Variants in FAM107B observed in about 807,000 individuals in gnomAD.
FAM107B encodes the protein protein FAM107B.
In FAM107B, 21 loss-of-function variants were observed where a neutral mutation model predicts 31.5. That is an observed-to-expected ratio of 0.67 (90% CI 0.47 to 0.96). FAM107B has a LOEUF of 0.96. FAM107B is among the 40% of genes least tolerant of loss of function. FAM107B has a pLI of 0.00. For synonymous variants in FAM107B, 157 were observed against 141.5 expected (o/e 1.11, Z -0.78); for missense variants, 452 against 377.1 (o/e 1.20, Z -1.64).
chr10:14,641,398 GGCTAGTT>G (rs1853623881), intron 2 of FAM107B, among the ~76,000 whole-genome samples: 1 of 152,192 alleles, frequency 6.6e-6, no homozygotes, highest in Non-Finnish European at 1.5e-5. Flanking sequence ...AACCAAGTTA[GGCTAGTT>G]TCAGATGACT....
intron 2 of FAM107B, among the ~76,000 whole-genome samples, chr10:14,625,558 C>T (rs1009772668): frequency 6.6e-6 from 1 of 152,134 alleles, no homozygotes; most frequent in Non-Finnish European, 1.5e-5. Context: ...CCAGCTCTGC[C>T]TGGCAGCTGT....
intron 2 of FAM107B, among the ~76,000 whole-genome samples, chr10:14,583,045 C>T (rs1420551980): frequency 6.7e-6 from 1 of 150,270 alleles, no homozygotes; most frequent in Non-Finnish European, 1.5e-5. Context: ...GGAGATCGCG[C>T]CACTGCACTC....
At chr10:14,652,420 G>A (rs561535591) in intron 2 of FAM107B, among the ~76,000 whole-genome samples, 3 of 152,256 alleles carry the variant, frequency 2.0e-5, no homozygotes, top group East Asian at 1.9e-4. Flanking sequence ...GCAGAGCTGC[G>A]GAAATAACGA....
At chr10:14,611,608 T>C (rs1342520024) in intron 2 of FAM107B, among the ~76,000 whole-genome samples, 8 of 151,064 alleles carry the variant, frequency 5.3e-5, no homozygotes, top group Admixed American at 1.3e-4. Flanking sequence ...TAAAGAGATC[T>C]GCCTGGTGAC....
intron 1 of FAM107B, among the ~76,000 whole-genome samples, chr10:14,729,001 T>C (rs928198634): frequency 1.3e-5 from 2 of 151,914 alleles, no homozygotes; most frequent in Non-Finnish European, 2.9e-5. Flanking sequence ...ATATGTGTTT[T>C]GTTTTTTTTT....
At chr10:14,657,331 G>T (rs966201674) in intron 2 of FAM107B, among the ~76,000 whole-genome samples, 4 of 152,162 alleles carry the variant, frequency 2.6e-5, no homozygotes, top group Non-Finnish European at 5.9e-5. Flanking sequence ...AGGGTGCTTT[G>T]TACTTGGAAA....
chr10:14,700,509 T>A (rs1855371869), intron 1 of FAM107B, among the ~76,000 whole-genome samples: 1 of 151,592 alleles, frequency 6.6e-6, no homozygotes, highest in African/African-American at 2.4e-5. Context: ...AGTGACAATA[T>A]CAGAAGAGAT....
chr10:14,701,712 T>C (rs1855402753), intron 1 of FAM107B, among the ~76,000 whole-genome samples: 1 of 149,130 alleles, frequency 6.7e-6, no homozygotes, highest in Admixed American at 6.7e-5. Flanking sequence ...AGGCAAAGAG[T>C]TGTTTTTTTT....
At chr10:14,646,744 T>TA (rs1853764429) in intron 2 of FAM107B, among the ~76,000 whole-genome samples, 1 of 151,384 alleles carries the variant, frequency 6.6e-6, no homozygotes, top group African/African-American at 2.4e-5. Context: ...GAGCTCGCCA[T>TA]ACTGTTTTCC....
intron 2 of FAM107B, among the ~76,000 whole-genome samples, chr10:14,609,258 C>T (rs1852669204): frequency 6.6e-6 from 1 of 152,176 alleles, no homozygotes; most frequent in Non-Finnish European, 1.5e-5. Context: ...ATTGACTCGT[C>T]CTTTTTTTAG....
intron 1 of FAM107B, among the ~76,000 whole-genome samples, chr10:14,701,303 G>A (rs1855393222): frequency 1.3e-5 from 2 of 152,064 alleles, no homozygotes; most frequent in Admixed American, 6.5e-5. Flanking sequence ...GGAGTGCAGT[G>A]GTGTGATCTC....
chr10:14,571,779 CTTGT>C, intron 2 of FAM107B: 1 of 985,360 alleles, frequency 1.0e-6, no homozygotes, highest in South Asian at 4.7e-5. Context: ...TATCTATTTT[CTTGT>C]TTATGTTTTA....
At chr10:14,628,180 G>A (rs572321041) in intron 2 of FAM107B, among the ~76,000 whole-genome samples, 1 of 143,318 alleles carries the variant, frequency 7.0e-6, no homozygotes, top group African/African-American at 2.6e-5. Context: ...GCAGTGGCGC[G>A]ATCTCAGGTC....
chr10:14,771,844 G>A (rs1291611264), intron 1 of FAM107B, among the ~76,000 whole-genome samples: 3 of 152,080 alleles, frequency 2.0e-5, no homozygotes, highest in African/African-American at 7.2e-5. Context: ...ATGTGATTGA[G>A]TATCAAGCGA....
chr10:14,773,311 T>C (rs1833347580), intron 1 of FAM107B, among the ~76,000 whole-genome samples: 1 of 152,220 alleles, frequency 6.6e-6, no homozygotes, highest in Non-Finnish European at 1.5e-5. Context: ...CTTCTTAGAT[T>C]CTGTGAAGCA....
intron 2 of FAM107B, among the ~76,000 whole-genome samples, chr10:14,641,100 C>A (rs138921423): frequency 2.6e-5 from 4 of 152,258 alleles, no homozygotes; most frequent in African/African-American, 9.6e-5. Context: ...AAGGGGAAAA[C>A]GTGCTTTCAC....
At chr10:14,724,921 G>A (rs563689816) in intron 1 of FAM107B, among the ~76,000 whole-genome samples, 10 of 152,282 alleles carry the variant, frequency 6.6e-5, no homozygotes, top group East Asian at 1.9e-4. Context: ...TGAGAATGAA[G>A]GCTCAAAAGT....
At chr10:14,649,548 T>C (rs909410541) in intron 2 of FAM107B, among the ~76,000 whole-genome samples, 6 of 152,234 alleles carry the variant, frequency 3.9e-5, no homozygotes, top group African/African-American at 1.4e-4. Flanking sequence ...CACTCCCTTC[T>C]ATTGATTCCA....
At chr10:14,532,889 G>A (rs947896974) in intron 2 of FAM107B, among the ~76,000 whole-genome samples, 5 of 152,202 alleles carry the variant, frequency 3.3e-5, no homozygotes, top group African/African-American at 1.2e-4. Context: ...GAGCTGGAGG[G>A]AATGTGACAG....
Sources: gnomAD v4.1 joint callset for allele counts (sites outside exome capture counted in the v4.1 genomes callset) on GRCh38, gnomAD v4.1.1 for gene constraint, MANE v1.5 for transcripts, NCBI Gene and HGNC (gene_info 2026-07-23, HGNC 2026-07-21) for gene names.